Variants in CNTNAP2 observed in about 807,000 individuals in gnomAD.
The protein encoded by CNTNAP2 is contactin-associated protein-like 2.
A neutral mutation model predicts 155.2 loss-of-function variants in CNTNAP2; 98 were observed. That is an observed-to-expected ratio of 0.63 (90% confidence interval 0.54 to 0.75). CNTNAP2 has a LOEUF of 0.75. CNTNAP2 is among the 30% of genes least tolerant of loss of function. The pLI, the probability that CNTNAP2 is intolerant of heterozygous loss-of-function variation, is 0.00. For missense variants in CNTNAP2, 1,727 were observed against 1,688.1 expected, an observed-to-expected ratio of 1.02 and a Z score of -0.40; for synonymous variants, 651 against 631.2, an observed-to-expected ratio of 1.03 and a Z score of -0.47.
At chr7:146,823,243 A>C (rs1487133901) in intron 2 of CNTNAP2, among the ~76,000 whole-genome samples, 4 of 150,086 alleles carry the variant, frequency 2.7e-5, no homozygotes, top group African/African-American at 4.9e-5. Context: ...CAGTATATTT[A>C]AATGTAAATA....
chr7:148,074,991 T>C (rs1051915271), intron 15 of CNTNAP2, among the ~76,000 whole-genome samples: 1 of 152,248 alleles, frequency 6.6e-6, no homozygotes, highest in Admixed American at 6.5e-5. Flanking sequence ...AAGAAAGTTT[T>C]TCTAAATTGC....
rs141689463 is a variant in CNTNAP2 at position 146,325,100 on chromosome 7, TG to T, written c.97+208128del. Among the ~76,000 whole-genome samples, 481 of 152,070 alleles carry T rather than the reference TG, an allele frequency of 3.2e-3. 2 individuals are homozygous for T. The highest frequency in any genetic ancestry group is 0.011 in the African/African-American group (463 of 41,470). The stretch of plus-strand genomic sequence containing the variant: ...CAGGTGCACACTACTACCAATTTTT[TG>T]TTTTTTTTCTTTAGAGAGGAAGCCT... On this transcript the variant is annotated intron_variant, in intron 1 of 23. Coordinates refer to ENST00000361727, the MANE Select transcript of CNTNAP2 (RefSeq NM_014141.6).
intron 12 of CNTNAP2, among the ~76,000 whole-genome samples, chr7:147,605,152 A>G (rs1801036784): frequency 6.6e-6 from 1 of 152,118 alleles, no homozygotes; most frequent in Non-Finnish European, 1.5e-5. Flanking sequence ...TACTGCCTCT[A>G]GACTGTATTA....
At chr7:146,574,267 G>T (rs1798488410) in intron 1 of CNTNAP2, among the ~76,000 whole-genome samples, 1 of 152,068 alleles carries the variant, frequency 6.6e-6, no homozygotes, top group African/African-American at 2.4e-5. Context: ...GAGTTGTATT[G>T]GTTTTTGTTT....
intron 8 of CNTNAP2, among the ~76,000 whole-genome samples, chr7:147,224,808 A>T (rs1317335470): frequency 6.6e-6 from 1 of 152,166 alleles, no homozygotes; most frequent in Non-Finnish European, 1.5e-5. Flanking sequence ...ACATAAACAC[A>T]CATATACACC....
intron 18 of CNTNAP2, among the ~76,000 whole-genome samples, chr7:148,211,885 G>C (rs1396696872): frequency 6.6e-6 from 1 of 152,158 alleles, no homozygotes; most frequent in Non-Finnish European, 1.5e-5. Flanking sequence ...AAGTTACTGA[G>C]TCTAAAATAA....
intron 3 of CNTNAP2, among the ~76,000 whole-genome samples, chr7:147,017,699 CAA>C (rs1485007463): frequency 6.6e-6 from 1 of 151,270 alleles, no homozygotes; most frequent in Non-Finnish European, 1.5e-5. Flanking sequence ...AATACACTCT[CAA>C]GTCTAAATTT....
At chr7:147,897,275 G>T (rs1277686043) in intron 13 of CNTNAP2, among the ~76,000 whole-genome samples, 1 of 152,184 alleles carries the variant, frequency 6.6e-6, no homozygotes, top group Non-Finnish European at 1.5e-5. Flanking sequence ...GTGTTAGGTT[G>T]TTTCTACTGA....
chr7:147,732,474 G>A (rs1796760087), intron 13 of CNTNAP2, among the ~76,000 whole-genome samples: 1 of 152,048 alleles, frequency 6.6e-6, no homozygotes, highest in South Asian at 2.1e-4. Flanking sequence ...CTTTGCTATT[G>A]TGAATAGTGC....
chr7:148,287,787 C>CTTTTTTTT (rs1230237736), intron 21 of CNTNAP2, among the ~76,000 whole-genome samples: 12 of 64,872 alleles, frequency 1.8e-4, no homozygotes, highest in African/African-American at 2.0e-4. Flanking sequence ...TTCTTTCTTT[C>CTTTTTTTT]TTTTTTTCTT....
chr7:146,905,166 T>G (rs987306747), intron 3 of CNTNAP2, among the ~76,000 whole-genome samples: 1 of 151,988 alleles, frequency 6.6e-6, no homozygotes, highest in African/African-American at 2.4e-5. Flanking sequence ...CAATCAAAAA[T>G]GTCTCCTGAA....
intron 13 of CNTNAP2, among the ~76,000 whole-genome samples, chr7:147,697,620 C>T (rs1796181577): frequency 6.6e-6 from 1 of 152,108 alleles, no homozygotes; most frequent in African/African-American, 2.4e-5. Context: ...TTTTGGTGAG[C>T]TTGTGCCTCT....
chr7:148,245,822 C>G (rs1796252004), intron 20 of CNTNAP2, among the ~76,000 whole-genome samples: 1 of 152,190 alleles, frequency 6.6e-6, no homozygotes, highest in Non-Finnish European at 1.5e-5. Context: ...ACAATGAGCA[C>G]TCGTACAGGG....
intron 2 of CNTNAP2, among the ~76,000 whole-genome samples, chr7:146,836,149 A>G (rs1803612763): frequency 6.6e-6 from 1 of 152,224 alleles, no homozygotes. Flanking sequence ...TAGCACCCAT[A>G]TAACCTATGC....
chr7:147,355,031 T>C (rs1008553703), intron 9 of CNTNAP2, among the ~76,000 whole-genome samples: 11 of 152,074 alleles, frequency 7.2e-5, no homozygotes, highest in Admixed American at 7.2e-4. Context: ...CAAGAAGTTT[T>C]TGGGCTGAGA....
chr7:146,833,476 G>A (rs1803554929), intron 2 of CNTNAP2, among the ~76,000 whole-genome samples: 1 of 152,096 alleles, frequency 6.6e-6, no homozygotes, highest in Non-Finnish European at 1.5e-5. Flanking sequence ...CAGTCTGAAA[G>A]TGTACCTTAC....
intron 13 of CNTNAP2, among the ~76,000 whole-genome samples, chr7:147,876,242 G>A (rs1282727071): frequency 6.6e-6 from 1 of 151,860 alleles, no homozygotes; most frequent in Non-Finnish European, 1.5e-5. Flanking sequence ...CTCTTCTTTG[G>A]TGTCTCCTTT....
chr7:148,365,200 ACTCT>A (rs1473022786), intron 21 of CNTNAP2, among the ~76,000 whole-genome samples: 1 of 151,418 alleles, frequency 6.6e-6, no homozygotes, highest in African/African-American at 2.4e-5. Context: ...TCCCCGTCTC[ACTCT>A]CTCCCTTCTC....
At chr7:147,119,656 G>A (rs998328617) in intron 5 of CNTNAP2, among the ~76,000 whole-genome samples, 4 of 151,876 alleles carry the variant, frequency 2.6e-5, no homozygotes, top group African/African-American at 7.3e-5. Context: ...AAGAAAATAT[G>A]TTCTAGGAAG....
Sources: allele counts gnomAD v4.1 joint callset (sites outside exome capture counted in the v4.1 genomes callset), GRCh38; gene constraint gnomAD v4.1.1; transcripts MANE v1.5; gene names NCBI Gene and HGNC (gene_info 2026-07-23, HGNC 2026-07-21).